CFLAR: variants seen among roughly 807,000 people sequenced by gnomAD.
CFLAR encodes CASP8 and FADD-like apoptosis regulator.
In CFLAR, 14 loss-of-function variants were observed where a neutral mutation model predicts 51.1. That is an observed-to-expected ratio of 0.27 (90% CI 0.18 to 0.43). The LOEUF (loss-of-function observed/expected upper bound fraction) is 0.43, where lower values mean the gene tolerates loss of function less well. Among genes scored for constraint, CFLAR ranks in the 20% least tolerant of loss-of-function variants. The pLI, the probability that CFLAR is intolerant of heterozygous loss-of-function variation, is 1.00. For missense variants in CFLAR, 390 were observed against 566.5 expected (o/e 0.69, Z 3.16); for synonymous variants, 210 against 211.6 (o/e 0.99, Z 0.06).
chr2:201,162,160 G>A (rs1943113803), intron 9 of CFLAR, among the ~76,000 whole-genome samples: 1 of 152,022 alleles, frequency 6.6e-6, no homozygotes, highest in Non-Finnish European at 1.5e-5. Flanking sequence ...CTGGAGTGCA[G>A]TGGCACACCT....
In CFLAR at chr2:201,138,692, G is replaced by T; in HGVS notation, c.524-1665G>T. The stretch of plus-strand genomic sequence containing the variant: ...ACACATCACCCACAGTGTGCAAGGG[G>T]CTCAGCACCACGGGGTGTGTGATAA... On this transcript the variant is annotated intron_variant, in intron 4 of 9. Transcript: ENST00000309955. This position sits in a 1 kb window ranked among gnomAD's most constrained non-coding sequence, Gnocchi z 4.0. 3 of 859,350 alleles carry T rather than the reference G, an allele frequency of 3.5e-6. No homozygotes were observed. Among genetic ancestry groups the T allele is most frequent in the Non-Finnish European group, 4.0e-6 (2 of 504,060 alleles). The allele number at this position is 859,350 out of a possible 1,614,324, so 53.2% of individuals were successfully genotyped here. A position where few individuals can be genotyped will look rare whatever the true frequency, so the allele number is the denominator to read the frequency against.
intron 3 of CFLAR, among the ~76,000 whole-genome samples, chr2:201,134,001 T>G (rs2049723894): frequency 7.6e-6 from 1 of 130,946 alleles, no homozygotes; most frequent in Admixed American, 7.7e-5. Flanking sequence ...GATGTCATGA[T>G]TGCTAGAAAA....
At chr2:201,127,116 GA>G (rs35304534) in intron 1 of CFLAR, among the ~76,000 whole-genome samples, 99,244 of 152,040 alleles carry the variant, frequency 0.65, 33,141 homozygotes, top group African/African-American at 0.79. Flanking sequence ...TCTGGCTAGG[GA>G]AAAGTAAACT....
At chr2:201,157,565 CG>C (rs1328090185) in intron 8 of CFLAR, among the ~76,000 whole-genome samples, 2 of 151,832 alleles carry the variant, frequency 1.3e-5, no homozygotes, top group Non-Finnish European at 2.9e-5. Flanking sequence ...TTTGTAGAGA[CG>C]GGGTTCCCTG....
Position 201,160,942 on chromosome 2 carries a change from G to A in CFLAR, c.1304G>A (p.Arg435Lys). 6.2e-7 allele frequency: 1 copy of A among 1,610,226 alleles called. No individual in the cohort carries two copies. Among genetic ancestry groups the A allele is most frequent in the Non-Finnish European group, 8.5e-7 (1 of 1,176,924 alleles). The stretch of plus-strand genomic sequence containing the variant: ...CTCTCCCAGAAACTGAGACAAGAAA[G>A]GTGAGCCCCCAGGAGGTGGTCAGTT... ...QCLSQKLRQE[R>K]KRPLLDLHIE... Residue 435 changes from arginine (R) to lysine (K), a missense_variant and splice_region_variant, in exon 9 of 10, where the codon AGA becomes AAA. Around this residue, in one of 2 missense-constraint regions of CFLAR, gnomAD observed 287 missense variants for 363.6 expected, o/e 0.79. Coordinates refer to ENST00000309955, the MANE Select transcript of CFLAR (RefSeq NM_003879.7).
At chr2:201,156,498 T>C (rs1286773302) in intron 8 of CFLAR, among the ~76,000 whole-genome samples, 2 of 152,266 alleles carry the variant, frequency 1.3e-5, no homozygotes, top group Middle Eastern at 3.2e-3. Flanking sequence ...GTTTATTTTA[T>C]ACATTTATTT....
Position 201,138,119 on chromosome 2 carries a change from T to A in CFLAR, c.523+2012T>A. 1 of 769,066 alleles carries A rather than the reference T, an allele frequency of 1.3e-6. No homozygotes were observed. Among genetic ancestry groups the A allele is most frequent in the Admixed American group, 1.7e-5 (1 of 57,986 alleles). 47.6% of individuals were successfully genotyped at this position (769,066 alleles called of 1,614,324 possible). A position where few individuals can be genotyped will look rare whatever the true frequency, so the allele number is the denominator to read the frequency against. Reference sequence around the variant, plus strand: ...CCTGCCCAGCCCATCCACACCAGCGTCAATCAGGTTGTTGGCCTGGGCTGC... The same window carrying A: ...CCTGCCCAGCCCATCCACACCAGCGACAATCAGGTTGTTGGCCTGGGCTGC... On this transcript the variant is annotated intron_variant, in intron 4 of 9. Coordinates refer to ENST00000309955, the MANE Select transcript of CFLAR (RefSeq NM_003879.7). This position sits in a 1 kb window ranked among gnomAD's most constrained non-coding sequence, Gnocchi z 4.0.
At position 201,172,458 on chromosome 2, in the gene CFLAR, A is replaced by G. The variant is rs1944077672; in HGVS notation, c.*8485A>G. 1 of 152,158 alleles carries G rather than the reference A, an allele frequency of 6.6e-6. No individual in the cohort carries two copies. Among genetic ancestry groups the G allele is most frequent in the African/African-American group, 2.4e-5 (1 of 41,428 alleles). 9.4% of individuals were successfully genotyped at this position (152,158 alleles called of 1,614,324 possible). On this transcript the variant is annotated 3_prime_UTR_variant, in exon 10 of 10. Transcript: ENST00000309955. ...CATAAAATTTGCCCCTTTAAAGTAA[A>G]TGATGCAGTGGATTTTAGTATATTT...
rs3754936 is a variant in CFLAR, at chr2:201,131,870, C to G, written c.282-1159C>G. 1.5e-3 allele frequency among the ~76,000 whole-genome samples: 234 copies of G among 152,164 alleles called. 4 individuals are homozygous for G. In the East Asian group the frequency reaches 0.039, roughly 25 times the overall value. ...ACTAACCTTGTTGGGCCTCTGTTTT[C>G]CTACTTGTAAAGCGAAAAATAATAA... On this transcript the variant is annotated intron_variant, in intron 2 of 9. Coordinates refer to ENST00000309955, the MANE Select transcript of CFLAR (RefSeq NM_003879.7).
intron 4 of CFLAR, chr2:201,137,924 T>C: frequency 1.3e-6 from 1 of 764,060 alleles, no homozygotes; most frequent in Non-Finnish European, 2.4e-6. Flanking sequence ...TGGAGGCTCC[T>C]AGGGCCAGGG....
At chr2:201,140,128 G>A in intron 4 of CFLAR, 2 of 263,450 alleles carry the variant, frequency 7.6e-6, no homozygotes, top group South Asian at 2.5e-4. Context: ...GGGCTGGGTG[G>A]GCTGGGGGCG....
rs528082771 is a variant in CFLAR, at chr2:201,122,447, A to G, written c.-138+5966A>G. On this transcript the variant is annotated intron_variant, in intron 1 of 9. Coordinates refer to ENST00000309955, the MANE Select transcript of CFLAR (RefSeq NM_003879.7). ...CTTCATTGTATGTTATGAAGGGATG[A>G]GTAAGCGTTACACATGGGCTGCAAT... The G allele has an allele frequency of 9.8e-5, 15 of 152,356 alleles. No homozygotes were observed. In the East Asian group the frequency reaches 2.9e-3, roughly 29 times the overall value. 9.4% of individuals were successfully genotyped at this position (152,356 alleles called of 1,614,324 possible).
rs531820939 is a variant in CFLAR at position 201,173,451 on chromosome 2, C to G, written c.*9478C>G. 4.6e-5 allele frequency: 7 copies of G among 152,372 alleles called. No homozygotes were observed. In the Middle Eastern group the frequency reaches 0.01, roughly 219 times the overall value. 9.4% of individuals were successfully genotyped at this position (152,372 alleles called of 1,614,324 possible). On this transcript the variant is annotated 3_prime_UTR_variant, in exon 10 of 10. Coordinates refer to ENST00000309955, the MANE Select transcript of CFLAR (RefSeq NM_003879.7). ...CTCTATCTCCTGACCTCGTGATCCG[C>G]CTGCCTTGGCCTCCCAAAGTGCTGG...
intron 2 of CFLAR, among the ~76,000 whole-genome samples, chr2:201,131,711 G>T (rs918667454): frequency 6.6e-6 from 1 of 151,504 alleles, no homozygotes; most frequent in Admixed American, 6.6e-5. Context: ...TTGTTTGTTT[G>T]TTTGTTTTTG....
At chr2:201,130,182 G>T in intron 2 of CFLAR, 36 bp downstream of exon 2, 1 of 1,341,114 alleles carries the variant, frequency 7.5e-7, no homozygotes, top group Non-Finnish European at 1.0e-6. Flanking sequence ...TGGGTGGGTG[G>T]GAGGGAGTGA....
At chr2:201,153,903 CTTTTTTT>C (rs747813572) in intron 8 of CFLAR, among the ~76,000 whole-genome samples, 7 of 103,024 alleles carry the variant, frequency 6.8e-5, no homozygotes, top group South Asian at 3.0e-4. Context: ...TCTTTTCTTT[CTTTTTTT>C]TTTTTTTTTT....
Position 201,164,042 on chromosome 2 carries a change from G to GGTGA in CFLAR, c.*69_*70insGTGA. ...GCACTTTGGGAGGCCAAGGAGGGCA[G>GGTGA]ATCACTTCAGGTCAGGAGTTCGAGA... On this transcript the variant is annotated 3_prime_UTR_variant, in exon 10 of 10. Coordinates refer to ENST00000309955, the MANE Select transcript of CFLAR (RefSeq NM_003879.7). The GGTGA allele has an allele frequency of 7.4e-7, 1 of 1,351,178 alleles. No individual in the cohort carries two copies. The highest frequency in any genetic ancestry group is 1.0e-6 in the Non-Finnish European group (1 of 978,530). The allele number at this position is 1,351,178 out of a possible 1,614,324, so 83.7% of individuals were successfully genotyped here. A position where few individuals can be genotyped will look rare whatever the true frequency, so the allele number is the denominator to read the frequency against.
In CFLAR at chr2:201,166,724, G is replaced by C. The variant is rs1943621227; in HGVS notation, c.*2751G>C. 5.9e-6 allele frequency: 1 copy of C among 169,066 alleles called. No homozygotes were observed. Among genetic ancestry groups the C allele is most frequent in the African/African-American group, 2.4e-5 (1 of 41,696 alleles). 10.5% of individuals were successfully genotyped at this position (169,066 alleles called of 1,614,324 possible). A position where few individuals can be genotyped will look rare whatever the true frequency, so the allele number is the denominator to read the frequency against. On this transcript the variant is annotated 3_prime_UTR_variant, in exon 10 of 10. Coordinates refer to ENST00000309955, the MANE Select transcript of CFLAR (RefSeq NM_003879.7). ...CTCTGCCCGCAATCCCGGCACCTCG[G>C]GAGGCCGAGGCTGGCAGATCACTCG... is the stretch of plus-strand genomic sequence containing the variant.
rs1290642847 is a variant in CFLAR at position 201,124,075 on chromosome 2, C to G, written c.-137-5654C>G. Among the ~76,000 whole-genome samples, 1 of 152,184 alleles carries G rather than the reference C, an allele frequency of 6.6e-6. No homozygotes were observed. Among genetic ancestry groups the G allele is most frequent in the Non-Finnish European group, 1.5e-5 (1 of 68,036 alleles). ...GCTTTCATGCCATACGATGACCTTG[C>G]TTCACTAGAGAAGCAGTAGAAAGAA... On this transcript the variant is annotated intron_variant, in intron 1 of 9. Coordinates refer to ENST00000309955, the MANE Select transcript of CFLAR (RefSeq NM_003879.7). This position sits in a 1 kb window ranked among gnomAD's most constrained non-coding sequence, Gnocchi z 4.7.
Sources: allele counts gnomAD v4.1 joint callset (sites outside exome capture counted in the v4.1 genomes callset), GRCh38; gene constraint gnomAD v4.1.1; regional missense constraint gnomAD v4.1.1; non-coding constraint Gnocchi (gnomAD v3.1); transcripts MANE v1.5; gene names NCBI Gene and HGNC (gene_info 2026-07-23, HGNC 2026-07-21).